The following KIAA1217 variants were observed in gnomAD, a reference collection of about 807,000 sequenced individuals.
The protein encoded by KIAA1217 is sickle tail protein homolog.
A neutral mutation model predicts 163.9 loss-of-function variants in KIAA1217; 88 were observed. That is an observed-to-expected ratio of 0.54 (90% CI 0.45 to 0.64). KIAA1217 has a LOEUF of 0.64. Ranked by LOEUF, KIAA1217 falls within the 30% of genes least tolerant of loss-of-function variation. The pLI, the probability that KIAA1217 is intolerant of heterozygous loss-of-function variation, is 0.00. For synonymous variants in KIAA1217, 903 were observed against 923.1 expected, an observed-to-expected ratio of 0.98 and a Z score of 0.39; for missense variants, 2,372 against 2,475.0, an observed-to-expected ratio of 0.96 and a Z score of 0.88.
At chr10:24,055,778 T>C (rs1290818348) in intron 2 of KIAA1217, among the ~76,000 whole-genome samples, 2 of 152,034 alleles carry the variant, frequency 1.3e-5, no homozygotes, top group Non-Finnish European at 2.9e-5. Context: ...AATATTTAAA[T>C]ACAACACACT....
intron 1 of KIAA1217, among the ~76,000 whole-genome samples, chr10:23,747,753 G>A (rs1434036422): frequency 6.6e-6 from 1 of 152,168 alleles, no homozygotes; most frequent in Non-Finnish European, 1.5e-5. Context: ...GAACTGGCTG[G>A]CCTCTTTGCA....
intron 1 of KIAA1217, among the ~76,000 whole-genome samples, chr10:23,805,205 A>G (rs1356382774): frequency 6.6e-6 from 1 of 152,190 alleles, no homozygotes; most frequent in Non-Finnish European, 1.5e-5. Flanking sequence ...TATTATAAAG[A>G]CACATACATG....
At position 24,531,859 on chromosome 10, in the gene KIAA1217, G is replaced by A. The variant is rs1286270439; in HGVS notation, c.3112G>A (p.Glu1038Lys). Residue 1038 changes from glutamate to lysine, a missense_variant, in exon 15 of 21, where the codon GAA becomes AAA. Coordinates refer to ENST00000376454, the MANE Select transcript of KIAA1217 (RefSeq NM_019590.5). ...EDSPNSEQDL[E>K]KLGGKSPPPP... The stretch of plus-strand genomic sequence containing the variant: ...TTCTCCAAATTCGGAACAGGACTTG[G>A]AAAAGCTGGGGGGAAAGTCGCCCCC... 1.2e-6 allele frequency: 2 copies of A among 1,605,356 alleles called. No homozygotes were observed. Among genetic ancestry groups the A allele is most frequent in the Admixed American group, 3.4e-5 (2 of 59,164 alleles).
intron 14 of KIAA1217, among the ~76,000 whole-genome samples, chr10:24,529,697 G>T (rs1459236267): frequency 6.6e-6 from 1 of 151,910 alleles, no homozygotes; most frequent in African/African-American, 2.4e-5. Context: ...TGTCAGGTCT[G>T]TCTAGGGTCC....
intron 2 of KIAA1217, among the ~76,000 whole-genome samples, chr10:24,098,344 A>T (rs2062246003): frequency 6.6e-6 from 1 of 152,142 alleles, no homozygotes; most frequent in South Asian, 2.1e-4. Context: ...GAGTGGCTTT[A>T]GACTACAAAG....
At chr10:24,142,432 G>T (rs531889970) in intron 2 of KIAA1217, among the ~76,000 whole-genome samples, 1 of 151,550 alleles carries the variant, frequency 6.6e-6, no homozygotes, top group Non-Finnish European at 1.5e-5. Context: ...TAGATAAGAT[G>T]GTTTCCTTGT....
rs181507104 is a variant in KIAA1217 at position 23,785,728 on chromosome 10, T to G, written c.-321+90494T>G. Among the ~76,000 whole-genome samples, 3 of 148,578 alleles carry G rather than the reference T, an allele frequency of 2.0e-5. No individual in the cohort carries two copies. The East Asian group carries it at 5.9e-4, about 29-fold the overall frequency. On this transcript the variant is annotated intron_variant, in intron 1 of 18. Coordinates refer to the KIAA1217 transcript ENST00000376462. Reference sequence around the variant, plus strand: ...AGTCATTAAAAATTGTAACCAAGGATTCATCAAGAGTAAGGTCATTTTTTC... The same window carrying G: ...AGTCATTAAAAATTGTAACCAAGGAGTCATCAAGAGTAAGGTCATTTTTTC...
At chr10:24,040,646 C>G (rs927955276) in intron 2 of KIAA1217, among the ~76,000 whole-genome samples, 3 of 152,160 alleles carry the variant, frequency 2.0e-5, no homozygotes, top group Non-Finnish European at 4.4e-5. Flanking sequence ...CAGGACACTT[C>G]TCATAATATT....
chr10:24,305,347 C>T (rs775693054), intron 2 of KIAA1217, among the ~76,000 whole-genome samples: 1 of 152,112 alleles, frequency 6.6e-6, no homozygotes, highest in Non-Finnish European at 1.5e-5. Flanking sequence ...TCTTAAAAGA[C>T]ATGAATCTCA....
At chr10:23,911,394 T>A (rs1164921085) in intron 1 of KIAA1217, among the ~76,000 whole-genome samples, 1 of 152,238 alleles carries the variant, frequency 6.6e-6, no homozygotes, top group Non-Finnish European at 1.5e-5. Flanking sequence ...AATGTTTTCA[T>A]CATTGACAGC....
intron 2 of KIAA1217, among the ~76,000 whole-genome samples, chr10:24,190,364 T>A (rs2066659830): frequency 6.6e-6 from 1 of 152,188 alleles, no homozygotes; most frequent in African/African-American, 2.4e-5. Flanking sequence ...GAGGAGGTTT[T>A]ACCTACAGGT....
At chr10:24,081,202 T>C (rs1182260546) in intron 2 of KIAA1217, among the ~76,000 whole-genome samples, 1 of 152,232 alleles carries the variant, frequency 6.6e-6, no homozygotes, top group East Asian at 1.9e-4. Flanking sequence ...CCCCAAATCA[T>C]TTCTTCTGAT....
At chr10:23,948,379 A>G (rs1396716818) in intron 1 of KIAA1217, among the ~76,000 whole-genome samples, 1 of 152,222 alleles carries the variant, frequency 6.6e-6, no homozygotes, top group Non-Finnish European at 1.5e-5. Flanking sequence ...TCTGCTTACC[A>G]GGGTTTCAAA....
intron 1 of KIAA1217, among the ~76,000 whole-genome samples, chr10:23,935,371 T>C (rs1843482234): frequency 6.6e-6 from 1 of 152,210 alleles, no homozygotes; most frequent in Non-Finnish European, 1.5e-5. Context: ...GAAAAACACA[T>C]CTAAGCATTT....
At chr10:23,944,116 T>C (rs1843907894) in intron 1 of KIAA1217, among the ~76,000 whole-genome samples, 1 of 152,118 alleles carries the variant, frequency 6.6e-6, no homozygotes, top group African/African-American at 2.4e-5. Flanking sequence ...CATCAAAAGA[T>C]AATGGGCATT....
At chr10:24,416,955 C>G (rs776566316) in intron 3 of KIAA1217, among the ~76,000 whole-genome samples, 1 of 152,102 alleles carries the variant, frequency 6.6e-6, no homozygotes, top group Non-Finnish European at 1.5e-5. Context: ...ACAGTTTGAC[C>G]CTTATTCCTT....
chr10:23,946,264 G>A (rs1437747348), intron 1 of KIAA1217, among the ~76,000 whole-genome samples: 10 of 71,500 alleles, frequency 1.4e-4, no homozygotes, highest in South Asian at 3.5e-4. Context: ...TGTCTCTTCC[G>A]TTTAAAAAAA....
At chr10:24,207,675 C>T (rs1462287457), upstream of KIAA1217, among the ~76,000 whole-genome samples, 1 of 152,194 alleles carries the variant, frequency 6.6e-6, no homozygotes, top group Non-Finnish European at 1.5e-5. Flanking sequence ...ACCGCGTCTT[C>T]TTGGATTTCA....
chr10:24,326,300 T>TC (rs1201279449), intron 2 of KIAA1217, among the ~76,000 whole-genome samples: 1 of 152,138 alleles, frequency 6.6e-6, no homozygotes, highest in Non-Finnish European at 1.5e-5. Flanking sequence ...TATTAACACC[T>TC]TATAGAAAAA....
Sources: gnomAD v4.1 joint callset for allele counts (sites outside exome capture counted in the v4.1 genomes callset) on GRCh38, gnomAD v4.1.1 for gene constraint, MANE v1.5 for transcripts, NCBI Gene and HGNC (gene_info 2026-07-23, HGNC 2026-07-21) for gene names.